The following KALRN variants were observed in gnomAD, a reference collection of about 807,000 sequenced individuals.
KALRN encodes the protein kalirin RhoGEF kinase, also known as kalirin.
KALRN carries 70 observed loss-of-function variants against 353.7 expected under a neutral mutation model. The observed-to-expected ratio is 0.20, with a 90% confidence interval of 0.16 to 0.24. The LOEUF is 0.24. Among genes scored for constraint, KALRN ranks in the 10% least tolerant of loss-of-function variants. KALRN has a pLI of 1.00. For synonymous variants in KALRN, 1,391 were observed against 1,434.8 expected (o/e 0.97, Z 0.69); for missense variants, 2,791 against 3,756.7 (o/e 0.74, Z 6.72).
chr3:124,216,714 G>A (rs996576), intron 1 of KALRN, among the ~76,000 whole-genome samples: 87,628 of 152,050 alleles, frequency 0.58, 25,896 homozygotes, highest in Non-Finnish European at 0.65. Flanking sequence ...ACTTAACATT[G>A]TTATGCTTCT....
At chr3:124,126,785 CAG>C (rs2064726776) in intron 1 of KALRN, among the ~76,000 whole-genome samples, 1 of 152,220 alleles carries the variant, frequency 6.6e-6, no homozygotes, top group African/African-American at 2.4e-5. Context: ...CATATGTTCA[CAG>C]ATGAGGGAAT....
chr3:124,196,656 A>G (rs1038358731), intron 1 of KALRN, among the ~76,000 whole-genome samples: 4 of 152,224 alleles, frequency 2.6e-5, no homozygotes, highest in African/African-American at 9.6e-5. Flanking sequence ...CATATATATG[A>G]CAAAAATAAA....
intron 10 of KALRN, among the ~76,000 whole-genome samples, chr3:124,371,424 A>T (rs975987501): frequency 6.6e-6 from 1 of 152,138 alleles, no homozygotes; most frequent in Non-Finnish European, 1.5e-5. Context: ...CAACATAGTG[A>T]TTTCATTTCC....
chr3:124,472,127 G>A (rs1577214043), intron 25 of KALRN, among the ~76,000 whole-genome samples: 2 of 152,128 alleles, frequency 1.3e-5, no homozygotes, highest in African/African-American at 2.4e-5. Context: ...ACAAAAGTCA[G>A]GGTGTTGCTC....
At chr3:124,118,496 C>A (rs899428249) in intron 1 of KALRN, among the ~76,000 whole-genome samples, 1 of 152,114 alleles carries the variant, frequency 6.6e-6, no homozygotes, top group Non-Finnish European at 1.5e-5. Flanking sequence ...AACTTTCCAG[C>A]CCCCAGAAGC....
At chr3:124,228,384 T>TG (rs1264883817) in intron 2 of KALRN, among the ~76,000 whole-genome samples, 17 of 152,232 alleles carry the variant, frequency 1.1e-4, no homozygotes, top group Non-Finnish European at 2.1e-4. Flanking sequence ...AGGTTTTATC[T>TG]GAGTTCATTT....
Position 124,286,087 on chromosome 3 carries a change from CTTTCTTTCTTTCTTTCTTTCTTTCTTT to C in KALRN, c.970-12703_970-12677del, listed in dbSNP as rs1560462528. Among the ~76,000 whole-genome samples, 150 of 124,096 alleles carry C rather than the reference CTTTCTTTCTTTCTTTCTTTCTTTCTTT, an allele frequency of 1.2e-3. 1 individual carries two copies. The highest frequency in any genetic ancestry group is 4.7e-3 in the African/African-American group (143 of 30,452). The allele number at this position is 124,096 out of a possible 152,430, so 81.4% of individuals were successfully genotyped here. Reference sequence around the variant, plus strand: ...TTTTCTTTCTTTCTTTCCTTCCTTTCTTTCTTTCTTTCTTTCTTTCTTTCTTTCTTTCTTTCTTTCTTTCTTTCTTTC... The same window carrying C: ...TTTTCTTTCTTTCTTTCCTTCCTTTCCTTTCTTTCTTTCTTTCTTTCTTTC... On this transcript the variant is annotated intron_variant, in intron 5 of 59. Coordinates refer to ENST00000682506, the MANE Select transcript of KALRN (RefSeq NM_001388419.1).
chr3:124,167,174 G>A (rs1304975777), intron 1 of KALRN, among the ~76,000 whole-genome samples: 9 of 152,126 alleles, frequency 5.9e-5, no homozygotes, highest in Admixed American at 1.3e-4. Flanking sequence ...CTGCCTGAGC[G>A]ACTGGGCCCA....
Position 124,519,469 on chromosome 3 carries a change from T to C in KALRN, c.4935+23056T>C, listed in dbSNP as rs1047680172. 2.2e-5 allele frequency: 22 copies of C among 985,286 alleles called. No individual in the cohort carries two copies. The African/African-American group carries it at 3.7e-4, about 16-fold the overall frequency. The allele number at this position is 985,286 out of a possible 1,614,324, so 61.0% of individuals were successfully genotyped here. ...ATATATACACTCATTTTCTAACTTT[T>C]TTTAAAGGCCCACTGCTTTATTTTC... On this transcript the variant is annotated intron_variant, in intron 33 of 59. Transcript: ENST00000682506.
At chr3:124,695,168 C>T (rs1446867034) in intron 53 of KALRN, among the ~76,000 whole-genome samples, 1 of 152,144 alleles carries the variant, frequency 6.6e-6, no homozygotes, top group African/African-American at 2.4e-5. Context: ...AAAATCAAGC[C>T]GCAAGGATGC....
chr3:124,152,553 TTTTCTTTTCTTTTC>T (rs936419993), intron 1 of KALRN: 2 of 445,656 alleles, frequency 4.5e-6, no homozygotes, highest in African/African-American at 7.7e-5. Flanking sequence ...TTTCTTTTTC[TTTTCTTTTCTTTTC>T]TTTTCTTTTC....
intron 13 of KALRN, among the ~76,000 whole-genome samples, chr3:124,407,000 A>ATT (rs780622013): frequency 6.6e-6 from 1 of 151,474 alleles, no homozygotes; most frequent in Non-Finnish European, 1.5e-5. Flanking sequence ...CGCCCAGCTA[A>ATT]TTTTTGTATT....
At chr3:124,114,220 A>G (rs551452571) in intron 1 of KALRN, among the ~76,000 whole-genome samples, 5 of 152,190 alleles carry the variant, frequency 3.3e-5, no homozygotes, top group Non-Finnish European at 5.9e-5. Context: ...CCATTTCATC[A>G]GAGAGGCAAG....
intron 1 of KALRN, among the ~76,000 whole-genome samples, chr3:124,103,139 G>C (rs145690338): frequency 5.6e-4 from 86 of 152,304 alleles, no homozygotes; most frequent in African/African-American, 2.0e-3. Context: ...TGGGAGCCCA[G>C]CCACCTTCCC....
At chr3:124,715,768 G>A (rs80338230) in intron 58 of KALRN, among the ~76,000 whole-genome samples, 12,776 of 152,222 alleles carry the variant, frequency 0.084, 902 homozygotes, top group East Asian at 0.32. Context: ...TCCTGGGCAT[G>A]TGCCTTTAAC....
At chr3:124,172,320 T>C (rs950602406) in intron 1 of KALRN, among the ~76,000 whole-genome samples, 5 of 152,130 alleles carry the variant, frequency 3.3e-5, no homozygotes, top group Non-Finnish European at 7.3e-5. Flanking sequence ...TCTGTCATGA[T>C]TGTTGTGAGC....
chr3:124,611,751 T>A (rs1205932217), intron 34 of KALRN, among the ~76,000 whole-genome samples: 1 of 152,238 alleles, frequency 6.6e-6, no homozygotes, highest in Non-Finnish European at 1.5e-5. Context: ...AGGCCCTGCC[T>A]ACTTTCCAAC....
At chr3:124,350,151 G>A (rs1027377997) in intron 10 of KALRN, among the ~76,000 whole-genome samples, 2 of 152,132 alleles carry the variant, frequency 1.3e-5, no homozygotes, top group African/African-American at 2.4e-5. Flanking sequence ...GTTATAGGCC[G>A]CAGTTTTTGC....
chr3:124,274,848 A>G (rs1023585438), intron 5 of KALRN, among the ~76,000 whole-genome samples: 1 of 151,882 alleles, frequency 6.6e-6, no homozygotes, highest in Non-Finnish European at 1.5e-5. Flanking sequence ...ACCTTGGAAA[A>G]CCTAATTTTT....
Sources: gnomAD v4.1 joint callset for allele counts (sites outside exome capture counted in the v4.1 genomes callset) on GRCh38, gnomAD v4.1.1 for gene constraint, MANE v1.5 for transcripts, NCBI Gene and HGNC (gene_info 2026-07-23, HGNC 2026-07-21) for gene names.